DPRX: variants seen among roughly 807,000 people sequenced by gnomAD.
The protein encoded by DPRX is divergent paired-related homeobox.
A neutral mutation model predicts 8.4 loss-of-function variants in DPRX; 11 were observed. The ratio of observed to expected loss-of-function variants is 1.31; its 90% confidence interval spans 0.82 to 2.17. DPRX has a LOEUF of 2.17. DPRX is among the 30% of genes most tolerant of loss of function. The pLI, the probability that DPRX is intolerant of heterozygous loss-of-function variation, is 0.00. For synonymous variants in DPRX, 72 were observed against 87.0 expected (o/e 0.83, Z 0.96); for missense variants, 211 against 236.7 (o/e 0.89, Z 0.71).
the DPRX span, chr19:53,606,016 A>C: frequency 6.6e-6 from 1 of 151,814 alleles, no homozygotes; most frequent in Non-Finnish European, 1.5e-5. This position sits in a 1 kb window ranked among gnomAD's most constrained non-coding sequence, Gnocchi z 4.8. Flanking sequence ...GTAATAGCCA[A>C]CTTTTTAAAA....
At chr19:53,634,577 G>C in exon 2 of DPRX, 1 of 1,613,964 alleles carries the variant, frequency 6.2e-7, no homozygotes. Flanking sequence ...TGTTCACTAA[G>C]AAGCAACTGG....
the DPRX span, among the ~76,000 whole-genome samples, chr19:53,620,304 C>T: frequency 4.6e-5 from 7 of 151,994 alleles, no homozygotes; most frequent in Admixed American, 1.3e-4. Flanking sequence ...CTCCTGACCT[C>T]ATGATCCGCC....
the DPRX span, among the ~76,000 whole-genome samples, chr19:53,619,096 G>A: frequency 5.3e-5 from 8 of 152,090 alleles, no homozygotes; most frequent in East Asian, 3.9e-4. Flanking sequence ...TCTGTTGATC[G>A]GAATGACACT....
upstream of DPRX, among the ~76,000 whole-genome samples, chr19:53,628,525 C>T (rs180772993): frequency 8.1e-4 from 123 of 151,944 alleles, no homozygotes; most frequent in African/African-American, 2.7e-3. Flanking sequence ...ATAAGCGGTT[C>T]GGTGGCATTT....
At chr19:53,617,524 C>T in the DPRX span, among the ~76,000 whole-genome samples, 2 of 148,202 alleles carry the variant, frequency 1.3e-5, no homozygotes, top group African/African-American at 5.0e-5. Context: ...CACCATTGCA[C>T]TCCAGCCTGG....
At chr19:53,625,174 C>T in the DPRX span, among the ~76,000 whole-genome samples, 1 of 151,246 alleles carries the variant, frequency 6.6e-6, no homozygotes, top group East Asian at 1.9e-4. Context: ...GCCTTAGCCT[C>T]TGGAGTACTA....
At chr19:53,625,062 C>CTTTT in the DPRX span, among the ~76,000 whole-genome samples, 5 of 120,292 alleles carry the variant, frequency 4.2e-5, no homozygotes, top group South Asian at 2.8e-4. Context: ...TCATCATGGG[C>CTTTT]TTTTTTTTTT....
At chr19:53,617,610 G>C in the DPRX span, among the ~76,000 whole-genome samples, 1 of 150,194 alleles carries the variant, frequency 6.7e-6, no homozygotes, top group African/African-American at 2.4e-5. Context: ...TACTGGATTT[G>C]CTCCTGTCAA....
chr19:53,607,830 G>A, the DPRX span, among the ~76,000 whole-genome samples: 3 of 150,852 alleles, frequency 2.0e-5, no homozygotes, highest in Non-Finnish European at 4.4e-5. Context: ...TGGCCTGGGC[G>A]ACAGAGTGAG....
the DPRX span, among the ~76,000 whole-genome samples, chr19:53,605,315 C>G: frequency 2.0e-5 from 3 of 152,048 alleles, no homozygotes; most frequent in Non-Finnish European, 2.9e-5. Context: ...TGCGCTCAAG[C>G]CATCCTCCCA....
chr19:53,617,171 G>C, the DPRX span: 41 of 1,055,446 alleles, frequency 3.9e-5, no homozygotes, highest in Non-Finnish European at 5.7e-5. Flanking sequence ...TCTTCTATTC[G>C]TTGGATTCGT....
the DPRX span, among the ~76,000 whole-genome samples, chr19:53,625,618 A>G: frequency 4.0e-5 from 6 of 149,930 alleles, no homozygotes; most frequent in African/African-American, 2.4e-5. Flanking sequence ...CAGAGATCTC[A>G]TGCCTCTGCC....
At chr19:53,617,317 G>C in the DPRX span, 1 of 611,276 alleles carries the variant, frequency 1.6e-6, no homozygotes. Context: ...CCAGCACTTT[G>C]GGAGGCCGAG....
chr19:53,610,541 G>A, the DPRX span, among the ~76,000 whole-genome samples: 3 of 152,106 alleles, frequency 2.0e-5, no homozygotes, highest in Non-Finnish European at 2.9e-5. Context: ...CACTTAGAAA[G>A]CTTAGCTGCA....
At chr19:53,628,364 A>C (rs561793178), upstream of DPRX, among the ~76,000 whole-genome samples, 97 of 152,310 alleles carry the variant, frequency 6.4e-4, no homozygotes, top group African/African-American at 2.1e-3. Context: ...AAATAAAAAT[A>C]ATCAGTCCTT....
the DPRX span, among the ~76,000 whole-genome samples, chr19:53,611,211 C>T: frequency 5.3e-5 from 8 of 152,076 alleles, no homozygotes; most frequent in Non-Finnish European, 8.8e-5. Flanking sequence ...CACAAAGTGA[C>T]CTTCTAAAAA....
the DPRX span, among the ~76,000 whole-genome samples, chr19:53,622,662 C>T: frequency 1.3e-5 from 2 of 152,130 alleles, no homozygotes; most frequent in African/African-American, 4.8e-5. Flanking sequence ...CCGCCAACTA[C>T]CTCATTTCTC....
the DPRX span, chr19:53,603,312 T>C: frequency 2.2e-6 from 1 of 455,172 alleles, no homozygotes; most frequent in South Asian, 1.6e-5. Context: ...CCGCATGCTA[T>C]CAGGTTCAAA....
the DPRX span, among the ~76,000 whole-genome samples, chr19:53,618,415 A>G: frequency 6.6e-6 from 1 of 151,918 alleles, no homozygotes; most frequent in Admixed American, 6.6e-5. Flanking sequence ...TGCCTGAACA[A>G]TAACATGTAT....
Sources: gnomAD v4.1 joint callset for allele counts (sites outside exome capture counted in the v4.1 genomes callset) on GRCh38, gnomAD v4.1.1 for gene constraint, Gnocchi (gnomAD v3.1) non-coding constraint, MANE v1.5 for transcripts, NCBI Gene and HGNC (gene_info 2026-07-23, HGNC 2026-07-21) for gene names.